CLSTN2: variants seen among roughly 807,000 people sequenced by gnomAD.
CLSTN2 encodes calsyntenin-2.
Under a neutral mutation model 101.2 loss-of-function variants are expected in CLSTN2, and 48 were observed. That is an observed-to-expected ratio of 0.47 (90% CI 0.38 to 0.60). CLSTN2 has a LOEUF of 0.60. Among genes scored for constraint, CLSTN2 ranks in the 20% least tolerant of loss-of-function variants. CLSTN2 has a pLI of 0.00. For missense variants in CLSTN2, 1,160 were observed against 1,238.2 expected, an observed-to-expected ratio of 0.94 and a Z score of 0.95; for synonymous variants, 481 against 463.6, an observed-to-expected ratio of 1.04 and a Z score of -0.48.
intron 1 of CLSTN2, among the ~76,000 whole-genome samples, chr3:140,054,452 C>G (rs1017343184): frequency 1.4e-4 from 21 of 152,116 alleles, no homozygotes; most frequent in Non-Finnish European, 4.4e-5. Context: ...TATTTTGTAG[C>G]ATTGAAGGTA....
intron 2 of CLSTN2, among the ~76,000 whole-genome samples, chr3:140,332,904 T>G (rs1005706): frequency 0.58 from 87,953 of 151,824 alleles, 26,024 homozygotes; most frequent in Non-Finnish European, 0.64. Context: ...GCAGAAAGAG[T>G]TTGGGTCTTA....
At chr3:140,209,868 G>GTTCT (rs2010833996) in intron 2 of CLSTN2, among the ~76,000 whole-genome samples, 1 of 152,144 alleles carries the variant, frequency 6.6e-6, no homozygotes. Context: ...CCTCAACCTA[G>GTTCT]TTCTCACTGC....
At chr3:140,480,875 A>G (rs1235091910) in intron 8 of CLSTN2, among the ~76,000 whole-genome samples, 1 of 151,652 alleles carries the variant, frequency 6.6e-6, no homozygotes, top group Admixed American at 6.6e-5. Context: ...GATTGCAAAA[A>G]TTTTCTCCCA....
intron 2 of CLSTN2, among the ~76,000 whole-genome samples, chr3:140,392,433 C>A (rs1002323703): frequency 6.6e-6 from 1 of 151,904 alleles, no homozygotes; most frequent in Non-Finnish European, 1.5e-5. Context: ...AATATTTGAT[C>A]TATATTTAGA....
chr3:140,264,244 T>A (rs1177201256), intron 2 of CLSTN2, among the ~76,000 whole-genome samples: 1 of 151,726 alleles, frequency 6.6e-6, no homozygotes, highest in Non-Finnish European at 1.5e-5. Flanking sequence ...AGCATAGTAC[T>A]GAAACACTGT....
At chr3:140,332,196 G>A (rs1433391526) in intron 2 of CLSTN2, among the ~76,000 whole-genome samples, 3 of 152,198 alleles carry the variant, frequency 2.0e-5, no homozygotes, top group Non-Finnish European at 4.4e-5. Context: ...GGTAAAGAGG[G>A]AGGGGAGGAG....
Position 140,077,386 on chromosome 3 carries a change from G to C in CLSTN2, c.110-98565G>C, listed in dbSNP as rs201325588. 3.9e-5 allele frequency among the ~76,000 whole-genome samples: 6 copies of C among 152,090 alleles called. No homozygotes were observed. In the East Asian group the frequency reaches 9.6e-4, roughly 24 times the overall value. On this transcript the variant is annotated intron_variant, in intron 1 of 16. Coordinates refer to ENST00000458420, the MANE Select transcript of CLSTN2 (RefSeq NM_022131.3). ...CAGCAGGCTGATTGGCTTATCACAG[G>C]GCTCTCATTTACATCATAGAGTTCT...
intron 8 of CLSTN2, among the ~76,000 whole-genome samples, chr3:140,501,327 T>C (rs754179453): frequency 5.9e-5 from 9 of 152,246 alleles, no homozygotes; most frequent in Non-Finnish European, 1.3e-4. Context: ...TTGGCTTCAA[T>C]GGCCACCACA....
chr3:140,530,489 A>T (rs1935235060), intron 8 of CLSTN2, among the ~76,000 whole-genome samples: 2 of 152,266 alleles, frequency 1.3e-5, no homozygotes, highest in African/African-American at 4.8e-5. Context: ...TAGGAAAAAC[A>T]TTGTAATGTT....
chr3:140,371,775 T>C (rs1349558998), intron 2 of CLSTN2, among the ~76,000 whole-genome samples: 1 of 152,246 alleles, frequency 6.6e-6, no homozygotes, highest in Non-Finnish European at 1.5e-5. Flanking sequence ...AGGCAGCACA[T>C]GTTCAGAAAA....
At chr3:140,398,695 A>G (rs2088209266) in intron 2 of CLSTN2, among the ~76,000 whole-genome samples, 1 of 152,228 alleles carries the variant, frequency 6.6e-6, no homozygotes, top group Non-Finnish European at 1.5e-5. Flanking sequence ...TGTCAAAGTG[A>G]CCTTGGATGA....
At chr3:140,293,702 C>T (rs947379601) in intron 2 of CLSTN2, among the ~76,000 whole-genome samples, 5 of 152,098 alleles carry the variant, frequency 3.3e-5, no homozygotes, top group Admixed American at 6.6e-5. Flanking sequence ...CCATTTACTA[C>T]GTGAGAGGAA....
chr3:140,368,625 C>G (rs1240922671), intron 2 of CLSTN2, among the ~76,000 whole-genome samples: 1 of 152,134 alleles, frequency 6.6e-6, no homozygotes, highest in Non-Finnish European at 1.5e-5. Flanking sequence ...CTTAGGCATC[C>G]TTCCTGCTTC....
chr3:140,466,656 C>T lies in CLSTN2; in HGVS notation c.1269C>T (p.Leu423=), dbSNP rs199800647. The change falls in exon 8 of 17, where the codon CTC becomes CTT. Residue 423 remains leucine (L), a synonymous_variant. Coordinates refer to ENST00000458420, the MANE Select transcript of CLSTN2 (RefSeq NM_022131.3). Reference sequence around the variant, plus strand: ...CCCTGTATGTGCACAACTGCCGCCTCGTCTTTCTCTTGCGGAAGGACTTCG... The same window carrying T: ...CCCTGTATGTGCACAACTGCCGCCTTGTCTTTCTCTTGCGGAAGGACTTCG... ...HYALYVHNCR[L]VFLLRKDFDQ... is the part of the protein sequence containing the mutation. 19 of 1,614,160 alleles carry T rather than the reference C, an allele frequency of 1.2e-5. No individual in the cohort carries two copies. In the East Asian group the frequency reaches 3.3e-4, roughly 28 times the overall value.
At chr3:140,295,809 T>C (rs1315566889) in intron 2 of CLSTN2, among the ~76,000 whole-genome samples, 2 of 152,148 alleles carry the variant, frequency 1.3e-5, no homozygotes, top group African/African-American at 4.8e-5. Context: ...TCTTCAAATG[T>C]ATCAGTAAAG....
At chr3:140,251,475 A>G (rs2086562879) in intron 2 of CLSTN2, among the ~76,000 whole-genome samples, 1 of 152,154 alleles carries the variant, frequency 6.6e-6, no homozygotes, top group Non-Finnish European at 1.5e-5. Context: ...AGAGCTAAAA[A>G]TGTTTCAGAA....
intron 1 of CLSTN2, among the ~76,000 whole-genome samples, chr3:139,998,134 C>T (rs2107746184): frequency 6.6e-6 from 1 of 152,122 alleles, no homozygotes; most frequent in East Asian, 1.9e-4. Context: ...ACAGGGTCTT[C>T]TAGTGCAGTG....
intron 2 of CLSTN2, among the ~76,000 whole-genome samples, chr3:140,343,979 C>T (rs978423899): frequency 2.0e-4 from 31 of 152,128 alleles, no homozygotes; most frequent in Admixed American, 1.6e-3. Context: ...AGAAGGCAGT[C>T]CCCGCCCCAA....
At chr3:140,159,013 A>G (rs1023896796) in intron 1 of CLSTN2, among the ~76,000 whole-genome samples, 18 of 152,290 alleles carry the variant, frequency 1.2e-4, no homozygotes, top group African/African-American at 4.3e-4. Flanking sequence ...ACCTTTTACC[A>G]TGTGCAAAAA....
Sources: allele counts gnomAD v4.1 joint callset (sites outside exome capture counted in the v4.1 genomes callset), GRCh38; gene constraint gnomAD v4.1.1; transcripts MANE v1.5; gene names NCBI Gene and HGNC (gene_info 2026-07-23, HGNC 2026-07-21).